RBM28: variants seen among roughly 807,000 people sequenced by gnomAD.
RBM28 encodes RNA-binding protein 28.
Under a neutral mutation model 98.3 loss-of-function variants are expected in RBM28, and 78 were observed. That is an observed-to-expected ratio of 0.79 (90% CI 0.66 to 0.96). The LOEUF (loss-of-function observed/expected upper bound fraction) is 0.96. RBM28 is among the 40% of genes least tolerant of loss of function. The pLI, the probability that RBM28 is intolerant of heterozygous loss-of-function variation, is 0.00. For missense variants in RBM28, 838 were observed against 913.0 expected (o/e 0.92, Z 1.06); for synonymous variants, 306 against 330.9 (o/e 0.92, Z 0.82).
rs1432908044 is a variant in RBM28, at chr7:128,335,844, T to C, written c.809+3A>G. ...CTGTCTCAGAACAGGATGAGCTGCT[T>C]ACCTCTTCTGAATTTGCACAGGCTT... On this transcript the variant is annotated splice_donor_region_variant and intron_variant, in intron 7 of 18. Transcript: ENST00000223073. 28 of 1,614,062 alleles carry C rather than the reference T, an allele frequency of 1.7e-5. No homozygotes were observed. Among genetic ancestry groups the C allele is most frequent in the Non-Finnish European group, 2.3e-5 (27 of 1,180,052 alleles).
At position 128,335,603 on chromosome 7, in the gene RBM28, T is replaced by C. The variant is rs1401581564; in HGVS notation, c.886A>G (p.Ile296Val). 1.2e-6 allele frequency: 2 copies of C among 1,614,086 alleles called. No homozygotes were observed. The highest frequency in any genetic ancestry group is 1.7e-6 in the Non-Finnish European group (2 of 1,180,028). Reference protein sequence around the residue: ...EDSDLEESDSIDDGEELAQSD... With the variant: ...EDSDLEESDSVDDGEELAQSD... ...TGAGCCAGTTCCTCTCCATCATCAA[T>C]ACTATCGCTTTCCTCTAGGTCACTG... Residue 296 changes from isoleucine (I) to valine (V), a missense_variant, in exon 8 of 19, where the codon ATT (isoleucine) becomes GTT (valine). Transcript: ENST00000223073.
rs540161113 is a variant in RBM28 at position 128,299,861 on chromosome 7, G to A, written c.*10936C>T. The A allele has an allele frequency of 1.3e-5, 2 of 151,456 alleles. No individual in the cohort carries two copies. The highest frequency in any genetic ancestry group is 4.2e-4 in the South Asian group (2 of 4,812). The allele number at this position is 151,456 out of a possible 1,614,324, so 9.4% of individuals were successfully genotyped here. On this transcript the variant is annotated 3_prime_UTR_variant, in exon 19 of 19. Transcript: ENST00000223073. Reference sequence around the variant, plus strand: ...TATGACTGGTGTCTTTATAAGAAGAGGGAAATTTGGACATAGACCTATAGA... The same window carrying A: ...TATGACTGGTGTCTTTATAAGAAGAAGGAAATTTGGACATAGACCTATAGA...
chr7:128,316,561 A>C (rs1387867913), intron 16 of RBM28, among the ~76,000 whole-genome samples: 1 of 152,172 alleles, frequency 6.6e-6, no homozygotes, highest in Non-Finnish European at 1.5e-5. Context: ...AAAAATACAA[A>C]AATTAGCCGG....
Position 128,335,549 on chromosome 7 carries a change from C to A in RBM28, c.940G>T (p.Asp314Tyr), listed in dbSNP as rs779376531. ...TATGAAAATCCAAACAAACCTTTAT[C>A]CTCTTGCTCCTCAGTGCTGGTATCA... ...QSDTSTEEQEDKAVQVSNKKK... is the reference protein window; with the variant it reads ...QSDTSTEEQEYKAVQVSNKKK... Residue 314 changes from aspartate to tyrosine, a missense_variant, in exon 8 of 19, where the codon GAT becomes TAT. Physicochemically the swap from Asp to Tyr is radical, Grantham distance 160. Transcript: ENST00000223073. The A allele has an allele frequency of 9.3e-6, 15 of 1,614,052 alleles. No individual in the cohort carries two copies. In the South Asian group the frequency reaches 1.3e-4, roughly 14 times the overall value.
intron 9 of RBM28, 137 bp from the exon 10 acceptor site, chr7:128,331,065 G>A (rs754280859): frequency 8.5e-6 from 6 of 702,544 alleles, no homozygotes; most frequent in Middle Eastern, 2.6e-4. Flanking sequence ...ATGGCCCCCA[G>A]TGACCCTTGG....
In RBM28 at chr7:128,343,784, G is replaced by C. The variant is rs112150469; in HGVS notation, c.10C>G (p.Leu4Val). 2 of 1,601,350 alleles carry C rather than the reference G, an allele frequency of 1.2e-6. No individual in the cohort carries two copies. The highest frequency in any genetic ancestry group is 1.7e-6 in the Non-Finnish European group (2 of 1,173,720). Residue 4 changes from leucine to valine, a missense_variant, in exon 1 of 19, where the codon CTG (leucine) becomes GTG (valine). Coordinates refer to ENST00000223073, the MANE Select transcript of RBM28 (RefSeq NM_018077.3). ...GGGAGGCGGCCCACAAATAAGGTCA[G>C]GCCGGCCATGAGACCGGGAAACCCA... MAG[L>V]TLFVGRLPPS...
intron 16 of RBM28, among the ~76,000 whole-genome samples, chr7:128,316,948 G>A (rs1186514798): frequency 2.6e-5 from 4 of 152,176 alleles, no homozygotes; most frequent in African/African-American, 7.2e-5. Flanking sequence ...GAACTTTGCT[G>A]TGCAATATCA....
chr7:128,337,046 CT>C, intron 6 of RBM28, 84 bp downstream of exon 6: 8 of 1,447,490 alleles, frequency 5.5e-6, no homozygotes, highest in Non-Finnish European at 7.8e-6. Context: ...TTTTCTTACA[CT>C]TTTATCATGA....
At chr7:128,328,543 G>A (rs1056532483) in intron 10 of RBM28, among the ~76,000 whole-genome samples, 2 of 152,158 alleles carry the variant, frequency 1.3e-5, no homozygotes, top group African/African-American at 4.8e-5. Flanking sequence ...TTAAAACTAT[G>A]CTTATTAAGA....
Position 128,310,679 on chromosome 7 carries a change from G to C in RBM28, c.*118C>G, listed in dbSNP as rs571069927. ...ACAGTCCAGGGCACCTCCGAGCACA[G>C]TGGCAGTGCCCTTGGGGATTTTCTT... On this transcript the variant is annotated 3_prime_UTR_variant, in exon 19 of 19. Transcript: ENST00000223073. The C allele has an allele frequency of 5.1e-6, 7 of 1,359,296 alleles. No individual in the cohort carries two copies. Among genetic ancestry groups the C allele is most frequent in the African/African-American group, 1.4e-5 (1 of 69,880 alleles). The allele number at this position is 1,359,296 out of a possible 1,614,324, so 84.2% of individuals were successfully genotyped here.
intron 12 of RBM28, among the ~76,000 whole-genome samples, chr7:128,324,100 G>A (rs957633166): frequency 2.0e-5 from 3 of 152,174 alleles, no homozygotes; most frequent in African/African-American, 7.2e-5. Flanking sequence ...TGGAGGAGGT[G>A]AGCTGATAAA....
Position 128,310,759 on chromosome 7 carries a change from G to A in RBM28, c.*38C>T. ...AGGAGCCCAGGAGTGTCACCAGAAA[G>A]TACACAACCCAGCTTCTTACCCAGC... On this transcript the variant is annotated 3_prime_UTR_variant, in exon 19 of 19. Transcript: ENST00000223073. The A allele has an allele frequency of 6.2e-7, 1 of 1,612,360 alleles. No individual in the cohort carries two copies. The highest frequency in any genetic ancestry group is 8.5e-7 in the Non-Finnish European group (1 of 1,179,742).
chr7:128,337,309 A>T, intron 5 of RBM28, 107 bp from the exon 6 acceptor site: 1 of 1,088,230 alleles, frequency 9.2e-7, no homozygotes, highest in Non-Finnish European at 1.4e-6. Context: ...GGAGACAAAG[A>T]AACTGCCAAT....
chr7:128,326,589 G>T (rs1796357910), intron 10 of RBM28, among the ~76,000 whole-genome samples: 1 of 152,156 alleles, frequency 6.6e-6, no homozygotes, highest in African/African-American at 2.4e-5. Flanking sequence ...ACCTATGTGT[G>T]TAGTAGGCCA....
intron 12 of RBM28, 106 bp downstream of exon 12, chr7:128,324,453 T>G: frequency 6.7e-7 from 1 of 1,482,662 alleles, no homozygotes; most frequent in Non-Finnish European, 9.4e-7. Flanking sequence ...AAAGAGAACA[T>G]TTGGGTTTTT....
chr7:128,315,023 G>T lies in RBM28; in HGVS notation c.1789-3C>A. On this transcript the variant is annotated splice_region_variant and splice_polypyrimidine_tract_variant and intron_variant, in intron 16 of 18. Transcript: ENST00000223073. ...GCAGGCTTGGATCTCATTTTTTGCTGCATAAAACAAGAAAATGCCATCTGG... is the reference window on the plus strand; with the variant it reads ...GCAGGCTTGGATCTCATTTTTTGCTTCATAAAACAAGAAAATGCCATCTGG... 1.2e-6 allele frequency: 2 copies of T among 1,614,146 alleles called. No homozygotes were observed. Among genetic ancestry groups the T allele is most frequent in the Non-Finnish European group, 1.7e-6 (2 of 1,180,020 alleles).
chr7:128,338,838 A>C, intron 3 of RBM28, 37 bp from the exon 4 acceptor site: 1 of 1,362,142 alleles, frequency 7.3e-7, no homozygotes, highest in Non-Finnish European at 1.1e-6. Flanking sequence ...AGAGAAACAC[A>C]ATCACAGCAA....
chr7:128,300,338 C>T lies in RBM28; in HGVS notation c.*10459G>A, dbSNP rs1795763644. The T allele has an allele frequency of 6.6e-6, 1 of 152,196 alleles. No homozygotes were observed. The highest frequency in any genetic ancestry group is 2.4e-5 in the African/African-American group (1 of 41,432). 9.4% of individuals were successfully genotyped at this position (152,196 alleles called of 1,614,324 possible). ...GCTCTGAGCAGGGAAGGGTTAGAAC[C>T]CAGCGTGGATCAAACATTTGAGATG... On this transcript the variant is annotated 3_prime_UTR_variant, in exon 19 of 19. Transcript: ENST00000223073.
At position 128,324,231 on chromosome 7, in the gene RBM28, T is replaced by C. The variant is rs558597205; in HGVS notation, c.1339+328A>G. 1.1e-4 allele frequency among the ~76,000 whole-genome samples: 17 copies of C among 152,360 alleles called. No individual in the cohort carries two copies. The East Asian group carries it at 1.2e-3, about 10-fold the overall frequency. On this transcript the variant is annotated intron_variant, in intron 12 of 18. Transcript: ENST00000223073. ...CATGAATAATCCAAAAGAGTAATTT[T>C]AGTCATAATGAAAACCTCTTATTAG...
Sources: gnomAD v4.1 joint callset for allele counts (sites outside exome capture counted in the v4.1 genomes callset) on GRCh38, gnomAD v4.1.1 for gene constraint, MANE v1.5 for transcripts, NCBI Gene and HGNC (gene_info 2026-07-23, HGNC 2026-07-21) for gene names.